MOXD1: variants seen among roughly 807,000 people sequenced by gnomAD.
MOXD1 encodes the protein monooxygenase DBH like 1.
In MOXD1, 62 loss-of-function variants were observed where a neutral mutation model predicts 66.6. The ratio of observed to expected loss-of-function variants is 0.93; its 90% confidence interval spans 0.76 to 1.15. MOXD1 has a LOEUF of 1.15. MOXD1 is among the 50% of genes most tolerant of loss of function. The pLI, the probability that MOXD1 is intolerant of heterozygous loss-of-function variation, is 0.00. For missense variants in MOXD1, 847 were observed against 754.6 expected, an observed-to-expected ratio of 1.12 and a Z score of -1.44; for synonymous variants, 303 against 281.9, an observed-to-expected ratio of 1.07 and a Z score of -0.75.
intron 1 of MOXD1, among the ~76,000 whole-genome samples, chr6:132,390,177 G>A (rs577174827): frequency 6.6e-6 from 1 of 151,476 alleles, no homozygotes; most frequent in African/African-American, 2.4e-5. Context: ...GAGAGCTCAT[G>A]CGGTTCAGAC....
At chr6:132,339,006 C>T (rs1775496133) in intron 4 of MOXD1, among the ~76,000 whole-genome samples, 1 of 152,066 alleles carries the variant, frequency 6.6e-6, no homozygotes, top group African/African-American at 2.4e-5. Flanking sequence ...TCACAAGTTC[C>T]AATATTTCAA....
At chr6:132,359,431 T>C (rs566427544) in intron 4 of MOXD1, among the ~76,000 whole-genome samples, 29 of 152,084 alleles carry the variant, frequency 1.9e-4, no homozygotes, top group Non-Finnish European at 4.1e-4. Flanking sequence ...AAGAGGCTGG[T>C]TTTATTTCTA....
At chr6:132,351,214 G>T (rs1479590990) in intron 4 of MOXD1, among the ~76,000 whole-genome samples, 1 of 152,126 alleles carries the variant, frequency 6.6e-6, no homozygotes, top group Non-Finnish European at 1.5e-5. Context: ...TCCTTGTCTT[G>T]TTCCAGTTCT....
rs185265836 is a variant in MOXD1, at chr6:132,351,761, G to A, written c.663+20847C>T. ...GCCTGCTGTGAATCCGTCTGGCCCC[G>A]GACTTTTTTATTGTTGGTAATTTTT... On this transcript the variant is annotated intron_variant, in intron 4 of 11. Coordinates refer to ENST00000367963, the MANE Select transcript of MOXD1 (RefSeq NM_015529.4). Among the ~76,000 whole-genome samples the A allele has an allele frequency of 3.8e-3, 584 of 152,108 alleles. 3 individuals carry two copies. Among genetic ancestry groups the A allele is most frequent in the Middle Eastern group, 0.034 (10 of 294 alleles).
At chr6:132,322,999 A>C in intron 7 of MOXD1, 129 bp from the exon 8 acceptor site, 1 of 828,324 alleles carries the variant, frequency 1.2e-6, no homozygotes. Context: ...GCTTGAACTG[A>C]AAAAGAGTTT....
intron 10 of MOXD1, among the ~76,000 whole-genome samples, chr6:132,313,825 G>A (rs1206424916): frequency 6.6e-6 from 1 of 152,120 alleles, no homozygotes; most frequent in East Asian, 1.9e-4. Context: ...TGAGGCAGGA[G>A]AATCACTTGA....
chr6:132,311,927 A>C (rs2114548489), intron 10 of MOXD1, among the ~76,000 whole-genome samples: 1 of 152,216 alleles, frequency 6.6e-6, no homozygotes, highest in South Asian at 2.1e-4. Flanking sequence ...GAAAAACATA[A>C]AGTGATTTTT....
intron 10 of MOXD1, among the ~76,000 whole-genome samples, chr6:132,309,571 T>C (rs1412175395): frequency 6.6e-6 from 1 of 152,190 alleles, no homozygotes; most frequent in African/African-American, 2.4e-5. Context: ...AAGACAATCC[T>C]AAGCAAAAAG....
At chr6:132,384,403 G>C (rs910787484) in intron 1 of MOXD1, among the ~76,000 whole-genome samples, 2 of 151,954 alleles carry the variant, frequency 1.3e-5, no homozygotes, top group African/African-American at 4.8e-5. Flanking sequence ...ACCTTATGTA[G>C]GGTTGAGGAT....
At chr6:132,312,797 C>A (rs1774859354) in intron 10 of MOXD1, among the ~76,000 whole-genome samples, 1 of 150,298 alleles carries the variant, frequency 6.7e-6, no homozygotes. Context: ...GGCTTCATAC[C>A]ATTTAAACTT....
chr6:132,327,872 A>G, intron 6 of MOXD1, 141 bp downstream of exon 6: 1 of 620,986 alleles, frequency 1.6e-6, no homozygotes, highest in South Asian at 2.4e-5. Flanking sequence ...CACTTTAAAA[A>G]GTATCCTAAT....
intron 1 of MOXD1, among the ~76,000 whole-genome samples, chr6:132,380,554 G>A (rs1776486826): frequency 1.3e-5 from 2 of 152,180 alleles, no homozygotes; most frequent in South Asian, 4.1e-4. Flanking sequence ...AACCAGAAGT[G>A]ATCATTCCCT....
At position 132,356,007 on chromosome 6, in the gene MOXD1, T is replaced by A. The variant is rs191570861; in HGVS notation, c.663+16601A>T. 6.6e-5 allele frequency among the ~76,000 whole-genome samples: 10 copies of A among 152,350 alleles called. No homozygotes were observed. In the East Asian group the frequency reaches 1.9e-3, roughly 29 times the overall value. ...ACAGAAGAGCACTAGCGTTTCTGTC[T>A]ACCTACAAAAAATTCACAACAGGCA... On this transcript the variant is annotated intron_variant, in intron 4 of 11. Transcript: ENST00000367963.
At chr6:132,366,920 T>G (rs1776160362) in intron 4 of MOXD1, among the ~76,000 whole-genome samples, 1 of 152,070 alleles carries the variant, frequency 6.6e-6, no homozygotes, top group African/African-American at 2.4e-5. Flanking sequence ...TCAATGTCAA[T>G]TATTCTTAAA....
At chr6:132,353,097 A>G (rs1037191859) in intron 4 of MOXD1, among the ~76,000 whole-genome samples, 1 of 152,164 alleles carries the variant, frequency 6.6e-6, no homozygotes, top group Non-Finnish European at 1.5e-5. Context: ...TCCATTCTGC[A>G]GTTCTATATC....
intron 1 of MOXD1, among the ~76,000 whole-genome samples, chr6:132,386,155 C>A (rs968472177): frequency 2.1e-5 from 3 of 141,480 alleles, no homozygotes; most frequent in African/African-American, 8.0e-5. Context: ...GTAATCCCAG[C>A]GCTTTGGGAG....
intron 4 of MOXD1, among the ~76,000 whole-genome samples, chr6:132,360,745 T>C (rs1253275479): frequency 1.3e-5 from 2 of 152,240 alleles, no homozygotes; most frequent in African/African-American, 4.8e-5. Context: ...CTACGTGTTA[T>C]ATTGCTCTAT....
chr6:132,381,215 G>T (rs982769036), intron 1 of MOXD1, among the ~76,000 whole-genome samples: 7 of 152,122 alleles, frequency 4.6e-5, no homozygotes, highest in Non-Finnish European at 8.8e-5. Context: ...AGATAATTTT[G>T]AAAATAAAAG....
Position 132,401,225 on chromosome 6 carries a change from C to G in MOXD1, c.202G>C (p.Gly68Arg), listed in dbSNP as rs770438288. 15 of 1,577,658 alleles carry G rather than the reference C, an allele frequency of 9.5e-6. No individual in the cohort carries two copies. Among genetic ancestry groups the G allele is most frequent in the African/African-American group, 8.1e-5 (6 of 73,688 alleles). The part of the protein sequence containing the change: ...GYVGFGFSPT[G>R]AMASADIVVG... ...ACGATGTCGGCGGACGCCATGGCCC[C>G]GGTGGGCGAGAAGCCGAAGCCCACG... Residue 68 changes from glycine to arginine, a missense_variant, in exon 1 of 12, where the codon GGG becomes CGG. Physicochemically the swap from Gly to Arg is moderately radical, Grantham distance 125. Transcript: ENST00000367963.
Sources: allele counts gnomAD v4.1 joint callset (sites outside exome capture counted in the v4.1 genomes callset), GRCh38; gene constraint gnomAD v4.1.1; transcripts MANE v1.5; gene names NCBI Gene and HGNC (gene_info 2026-07-23, HGNC 2026-07-21).